Variants in SYS1 observed in about 807,000 individuals in gnomAD.
SYS1 encodes the protein protein SYS1 homolog.
SYS1 carries 8 observed loss-of-function variants against 17.8 expected under a neutral mutation model. The observed-to-expected ratio is 0.45, with a 90% confidence interval of 0.26 to 0.81. SYS1 has a LOEUF of 0.81. Among genes scored for constraint, SYS1 ranks in the 40% least tolerant of loss-of-function variants. The pLI, the probability that SYS1 is intolerant of heterozygous loss-of-function variation, is 0.16. For synonymous variants in SYS1, 95 were observed against 90.9 expected (o/e 1.05, Z -0.26); for missense variants, 161 against 203.9 (o/e 0.79, Z 1.28).
Position 45,368,711 on chromosome 20 carries a change from C to G in SYS1, c.*1596C>G. 1 of 985,508 alleles carries G rather than the reference C, an allele frequency of 1.0e-6. No individual in the cohort carries two copies. The highest frequency in any genetic ancestry group is 1.2e-6 in the Non-Finnish European group (1 of 829,992). The allele number at this position is 985,508 out of a possible 1,614,324, so 61.0% of individuals were successfully genotyped here. On this transcript the variant is annotated 3_prime_UTR_variant, in exon 4 of 4. Transcript: ENST00000243918. ...AAGGAAGCAGTTTGTTAATGAGGCA[C>G]AGTAATCCTGGCTGCAGGGTCTAGG...
At position 45,367,066 on chromosome 20, in the gene SYS1, C is replaced by T. The variant is rs201471133; in HGVS notation, c.422C>T (p.Thr141Met). Residue 141 changes from threonine (T) to methionine (M), a missense_variant, in exon 4 of 4, where the codon ACG becomes ATG. Coordinates refer to ENST00000243918, the MANE Select transcript of SYS1 (RefSeq NM_033542.4). ...AVIGEYLCMR[T>M]ELKEIPLNSA... ...ATCGGGGAGTACCTGTGCATGCGGA[C>T]GGAGCTCAAGGAGATACCCCTCAAC... The T allele has an allele frequency of 6.5e-5, 105 of 1,614,052 alleles. No individual in the cohort carries two copies. The highest frequency in any genetic ancestry group is 8.6e-5 in the Non-Finnish European group (102 of 1,180,044).
Position 45,368,593 on chromosome 20 carries a change from G to A in SYS1, c.*1478G>A, listed in dbSNP as rs1988490428. ...CAGAGTAGGGAGTTGATGCTGACAG[G>A]ATGAAGATTTAGGAATAAATATGCC... On this transcript the variant is annotated 3_prime_UTR_variant, in exon 4 of 4. Transcript: ENST00000243918. 1 of 985,334 alleles carries A rather than the reference G, an allele frequency of 1.0e-6. No individual in the cohort carries two copies. The highest frequency in any genetic ancestry group is 1.2e-6 in the Non-Finnish European group (1 of 829,944). 61.0% of individuals were successfully genotyped at this position (985,334 alleles called of 1,614,324 possible). A position where few individuals can be genotyped will look rare whatever the true frequency, so the allele number is the denominator to read the frequency against.
At chr20:45,370,826 T>C (rs1465906980), downstream of SYS1, among the ~76,000 whole-genome samples, 1 of 152,042 alleles carries the variant, frequency 6.6e-6, no homozygotes, top group Admixed American at 6.5e-5. Flanking sequence ...GGAGTAGGGA[T>C]GGAATCAAGG....
In SYS1 at chr20:45,364,894, CTTTGTGAGGT is replaced by C. The variant is rs1988359923; in HGVS notation, c.163-721_163-712del. 1.3e-5 allele frequency among the ~76,000 whole-genome samples: 2 copies of C among 152,290 alleles called. 1 individual carries two copies. The highest frequency in any genetic ancestry group is 4.1e-4 in the South Asian group (2 of 4,832). ...ATAAGAATTAAAAGAAGAAGAATGGCTTTGTGAGGTTTTTTTAGGGATAATATGAGATTAT... is the reference window on the plus strand; with the variant it reads ...ATAAGAATTAAAAGAAGAAGAATGGCTTTTTTAGGGATAATATGAGATTAT... On this transcript the variant is annotated intron_variant, in intron 2 of 3. Transcript: ENST00000243918.
At position 45,367,123 on chromosome 20, in the gene SYS1, C is replaced by A. The variant is rs772663420; in HGVS notation, c.*8C>A. On this transcript the variant is annotated 3_prime_UTR_variant, in exon 4 of 4. Transcript: ENST00000243918. Reference sequence around the variant, plus strand: ...CCTAAATCCAATGTCTAGAATCAGGCCCTTTGGACATCCTGCTGACACTTG... The same window carrying A: ...CCTAAATCCAATGTCTAGAATCAGGACCTTTGGACATCCTGCTGACACTTG... 3.1e-6 allele frequency: 5 copies of A among 1,613,628 alleles called. No homozygotes were observed. Among genetic ancestry groups the A allele is most frequent in the African/African-American group, 1.3e-5 (1 of 74,908 alleles).
chr20:45,370,299 A>G (rs561352556), downstream of SYS1, among the ~76,000 whole-genome samples: 1 of 152,278 alleles, frequency 6.6e-6, no homozygotes, highest in Admixed American at 6.5e-5. Context: ...AGGTACCTAG[A>G]TAAGAGAGTA....
exon 4 of SYS1, chr20:45,375,321 T>A: frequency 6.2e-7 from 1 of 1,614,206 alleles, no homozygotes; most frequent in Non-Finnish European, 8.5e-7. Context: ...CATCCCTCGA[T>A]GTCCTTGGAA....
Position 45,368,092 on chromosome 20 carries a change from A to G in SYS1, c.*977A>G. The G allele has an allele frequency of 2.0e-6, 2 of 985,414 alleles. No homozygotes were observed. The highest frequency in any genetic ancestry group is 1.1e-4 in the East Asian group (1 of 8,820). The allele number at this position is 985,414 out of a possible 1,614,324, so 61.0% of individuals were successfully genotyped here. A position where few individuals can be genotyped will look rare whatever the true frequency, so the allele number is the denominator to read the frequency against. ...GGGCTTGCAGCTATCCTTCCTGTGTATACAAATACAGTATTTTCCATGGTT... is the reference window on the plus strand; with the variant it reads ...GGGCTTGCAGCTATCCTTCCTGTGTGTACAAATACAGTATTTTCCATGGTT... On this transcript the variant is annotated 3_prime_UTR_variant, in exon 4 of 4. Transcript: ENST00000243918.
chr20:45,363,464 C>T (rs1988290016), intron 1 of SYS1, 65 bp from the exon 2 acceptor site: 1 of 1,517,152 alleles, frequency 6.6e-7, no homozygotes, highest in Non-Finnish European at 8.8e-7. Flanking sequence ...AGTCCCTCCT[C>T]CCGGGCGGGG....
exon 4 of SYS1, chr20:45,374,907 G>A (rs1306262239): frequency 1.3e-5 from 17 of 1,274,764 alleles, no homozygotes; most frequent in South Asian, 4.3e-5. Flanking sequence ...ACATGAAGGC[G>A]GAGCCTCCCA....
At chr20:45,374,105 G>T, downstream of SYS1, 2 of 1,187,532 alleles carry the variant, frequency 1.7e-6, no homozygotes, top group Non-Finnish European at 2.5e-6. Context: ...GTGCTGTGGT[G>T]TCTGGTAGGT....
Position 45,366,959 on chromosome 20 carries a change from C to T in SYS1, c.315C>T (p.Gly105=). 6.2e-7 allele frequency: 1 copy of T among 1,614,216 alleles called. No homozygotes were observed. Among genetic ancestry groups the T allele is most frequent in the Non-Finnish European group, 8.5e-7 (1 of 1,180,038 alleles). ...CTGTCCATTTCTTTCACCTCCTGGGCTGCTGGTTCTACAGCTCCCGTTTCC... is the reference window on the plus strand; with the variant it reads ...CTGTCCATTTCTTTCACCTCCTGGGTTGCTGGTTCTACAGCTCCCGTTTCC... ...TVTVHFFHLL[G]CWFYSSRFPS... is the part of the protein sequence containing the mutation. Residue 105 remains glycine (G), a synonymous_variant, in exon 4 of 4, where the codon GGC becomes GGT. Transcript: ENST00000243918.
exon 4 of SYS1, chr20:45,375,444 A>C: frequency 6.2e-7 from 1 of 1,613,718 alleles, no homozygotes; most frequent in Non-Finnish European, 8.5e-7. Context: ...CTTTTTTCTT[A>C]GGGTCCCCTG....
downstream of SYS1, among the ~76,000 whole-genome samples, chr20:45,370,694 A>G (rs999636939): frequency 6.6e-6 from 1 of 152,120 alleles, no homozygotes; most frequent in Non-Finnish European, 1.5e-5. Flanking sequence ...CTCCCAGGTC[A>G]GAGTAGCTTC....
intron 2 of SYS1, among the ~76,000 whole-genome samples, chr20:45,364,687 G>T (rs1988351447): frequency 4.0e-5 from 6 of 151,836 alleles, no homozygotes. Context: ...TAGCCGGGAT[G>T]GTCTCGATCT....
At chr20:45,363,030 C>A, upstream of SYS1, 2 of 868,130 alleles carry the variant, frequency 2.3e-6, no homozygotes, top group Non-Finnish European at 2.8e-6. Context: ...ACTCTTCCTT[C>A]TGCGCATGTG....
rs1988448491 is a variant in SYS1, at chr20:45,367,270, A to C, written c.*155A>C. 1 of 1,456,462 alleles carries C rather than the reference A, an allele frequency of 6.9e-7. No homozygotes were observed. Among genetic ancestry groups the C allele is most frequent in the Non-Finnish European group, 9.0e-7 (1 of 1,107,616 alleles). The allele number at this position is 1,456,462 out of a possible 1,614,324, so 90.2% of individuals were successfully genotyped here. ...AGAGATAGTGAGGGCCTGTCAAAGA[A>C]GGCAGGTAGCAGTCAGCATGACAGC... On this transcript the variant is annotated 3_prime_UTR_variant, in exon 4 of 4. Coordinates refer to ENST00000243918, the MANE Select transcript of SYS1 (RefSeq NM_033542.4).
exon 4 of SYS1, chr20:45,374,953 C>T: frequency 6.5e-7 from 1 of 1,530,898 alleles, no homozygotes; most frequent in Non-Finnish European, 8.8e-7. Context: ...GACTCCAGAT[C>T]CTGAACCCTG....
rs1433193560 is a variant in SYS1, at chr20:45,367,878, C to T, written c.*763C>T. ...GACACTGCCTGTCTTCTAGGAATGA[C>T]CAGGCACCCAGCTCCCACTGGACTC... On this transcript the variant is annotated 3_prime_UTR_variant, in exon 4 of 4. Transcript: ENST00000243918. 2.0e-5 allele frequency: 20 copies of T among 985,712 alleles called. No individual in the cohort carries two copies. The highest frequency in any genetic ancestry group is 2.3e-5 in the Non-Finnish European group (19 of 829,966). The allele number at this position is 985,712 out of a possible 1,614,324, so 61.1% of individuals were successfully genotyped here.
Sources: gnomAD v4.1 joint callset for allele counts (sites outside exome capture counted in the v4.1 genomes callset) on GRCh38, gnomAD v4.1.1 for gene constraint, MANE v1.5 for transcripts, NCBI Gene and HGNC (gene_info 2026-07-23, HGNC 2026-07-21) for gene names.